DOC2B: variants seen among roughly 807,000 people sequenced by gnomAD.
DOC2B encodes double C2-like domain-containing protein beta.
In DOC2B, 21 loss-of-function variants were observed where a neutral mutation model predicts 28.9. The ratio of observed to expected loss-of-function variants is 0.73; its 90% CI spans 0.52 to 1.05. The LOEUF (loss-of-function observed/expected upper bound fraction) is 1.05, where lower values mean the gene tolerates loss of function less well. Ranked by LOEUF, DOC2B falls within the 50% of genes least tolerant of loss-of-function variation. DOC2B has a pLI of 0.00. For missense variants in DOC2B, 384 were observed against 421.1 expected (o/e 0.91, Z 0.77); for synonymous variants, 194 against 178.1 (o/e 1.09, Z -0.71).
intron 6 of DOC2B, among the ~76,000 whole-genome samples, chr17:154,798 C>T (rs943802841): frequency 7.3e-5 from 11 of 151,502 alleles, no homozygotes; most frequent in East Asian, 1.9e-4. Flanking sequence ...GGTGTGATCT[C>T]GGCTCACTGC....
rs918520033 is a variant in DOC2B at position 143,717 on chromosome 17, T to C, written c.*3724A>G. ...ATCGCAATATGACGTTTCCATTTAC[T>C]TTGGATTATATGTCATTATAAATAT... On this transcript the variant is annotated 3_prime_UTR_variant, in exon 9 of 9. Coordinates refer to ENST00000613549, the MANE Select transcript of DOC2B (RefSeq NM_003585.5). 3.9e-5 allele frequency: 6 copies of C among 152,154 alleles called. No individual in the cohort carries two copies. The highest frequency in any genetic ancestry group is 7.3e-5 in the Non-Finnish European group (5 of 68,032). The allele number at this position is 152,154 out of a possible 1,614,324, so 9.4% of individuals were successfully genotyped here. A position where few individuals can be genotyped will look rare whatever the true frequency, so the allele number is the denominator to read the frequency against.
chr17:172,703 T>C (rs1221738376), intron 1 of DOC2B, 87 bp from the exon 2 acceptor site: 2 of 1,125,936 alleles, frequency 1.8e-6, no homozygotes, highest in Non-Finnish European at 2.5e-6. Flanking sequence ...GAGCCTGGCC[T>C]GGGCAGGTGC....
chr17:149,355 G>A (rs1296995156), intron 6 of DOC2B, among the ~76,000 whole-genome samples, 163 bp from the exon 7 acceptor site: 2 of 152,086 alleles, frequency 1.3e-5, no homozygotes, highest in East Asian at 1.9e-4. Flanking sequence ...TGGCAAAGGC[G>A]AGACGTTGTT....
chr17:164,230 G>C (rs2040236866), intron 2 of DOC2B, 26 bp from the exon 3 acceptor site: 5 of 1,517,528 alleles, frequency 3.3e-6, no homozygotes, highest in Non-Finnish European at 4.5e-6. Context: ...CAAACGGTGT[G>C]AACTGGAAAT....
At chr17:156,187 C>A (rs142705609) in intron 6 of DOC2B, 33 bp downstream of exon 6, 1 of 1,522,798 alleles carries the variant, frequency 6.6e-7, no homozygotes, top group African/African-American at 1.4e-5. Flanking sequence ...GAGGTGAAGA[C>A]GTGGCAGGTG....
At position 181,451 on chromosome 17, in the gene DOC2B, G is replaced by A. The variant is rs753987588; in HGVS notation, c.29C>T (p.Ala10Val). The A allele has an allele frequency of 2.6e-6, 3 of 1,146,964 alleles. No homozygotes were observed. Among genetic ancestry groups the A allele is most frequent in the South Asian group, 2.3e-5 (1 of 42,988 alleles). 71.0% of individuals were successfully genotyped at this position (1,146,964 alleles called of 1,614,324 possible). ...CATATGCTCCTGGATGCTGATGGTC[G>A]CCTTCTCCCCGCGCCGCCGGAGGGT... is the stretch of plus-strand genomic sequence containing the variant. MTLRRRGEK[A>V]TISIQEHMAI... The change falls in exon 1 of 9, where the codon GCG becomes GTG. Residue 10 changes from alanine to valine, a missense_variant. By Grantham distance (64) the Ala-to-Val change is moderately conservative. Coordinates refer to ENST00000613549, the MANE Select transcript of DOC2B (RefSeq NM_003585.5). This position sits in a 1 kb window ranked among gnomAD's most constrained non-coding sequence, Gnocchi z 7.0.
At chr17:164,508 CT>C (rs1233580380) in intron 2 of DOC2B, among the ~76,000 whole-genome samples, 1 of 152,168 alleles carries the variant, frequency 6.6e-6, no homozygotes, top group Non-Finnish European at 1.5e-5. Flanking sequence ...CCTCTCCACC[CT>C]GCTTTGCTCA....
intron 6 of DOC2B, among the ~76,000 whole-genome samples, chr17:149,662 T>C (rs1375174757): frequency 3.3e-5 from 5 of 152,028 alleles, no homozygotes; most frequent in Admixed American, 2.0e-4. Flanking sequence ...TGTGCCGCCA[T>C]GCGCAGGTAA....
chr17:162,458 G>A (rs1555523403), intron 3 of DOC2B, among the ~76,000 whole-genome samples: 1 of 152,214 alleles, frequency 6.6e-6, no homozygotes, highest in Admixed American at 6.5e-5. Flanking sequence ...ACGTCACCAA[G>A]GAAGGGGGCC....
Position 145,154 on chromosome 17 carries a change from G to C in DOC2B, c.*2287C>G, listed in dbSNP as rs1248636407. 2 of 152,296 alleles carry C rather than the reference G, an allele frequency of 1.3e-5. No individual in the cohort carries two copies. The highest frequency in any genetic ancestry group is 3.9e-4 in the East Asian group (2 of 5,178). The allele number at this position is 152,296 out of a possible 1,614,324, so 9.4% of individuals were successfully genotyped here. A position where few individuals can be genotyped will look rare whatever the true frequency, so the allele number is the denominator to read the frequency against. On this transcript the variant is annotated 3_prime_UTR_variant, in exon 9 of 9. Coordinates refer to ENST00000613549, the MANE Select transcript of DOC2B (RefSeq NM_003585.5). Reference sequence around the variant, plus strand: ...AGGTTAGACACCTCTGGGGAAGCCTGAAGTAGCACGGATGGTTTCAAAGCC... The same window carrying C: ...AGGTTAGACACCTCTGGGGAAGCCTCAAGTAGCACGGATGGTTTCAAAGCC...
chr17:152,221 G>A (rs140577192), intron 6 of DOC2B, among the ~76,000 whole-genome samples: 7 of 152,286 alleles, frequency 4.6e-5, no homozygotes, highest in East Asian at 1.9e-4. Flanking sequence ...GGCACAGCAC[G>A]TTGCTGCCAG....
At chr17:168,673 GA>G (rs2040275884) in intron 2 of DOC2B, among the ~76,000 whole-genome samples, 6 of 136,248 alleles carry the variant, frequency 4.4e-5, no homozygotes, top group African/African-American at 1.4e-4. Context: ...CACTGTTCTT[GA>G]GGTAGTGAAT....
At chr17:163,229 C>T (rs2040224815) in intron 3 of DOC2B, among the ~76,000 whole-genome samples, 1 of 152,196 alleles carries the variant, frequency 6.6e-6, no homozygotes, top group Non-Finnish European at 1.5e-5. Context: ...GTCATACTCG[C>T]CCTCGGCCCT....
At chr17:161,272 C>T in intron 5 of DOC2B, 143 bp downstream of exon 5, 2 of 882,328 alleles carry the variant, frequency 2.3e-6, no homozygotes, top group Non-Finnish European at 3.5e-6. Flanking sequence ...CCTCCACCCC[C>T]TTGACTCTCC....
chr17:156,449 C>T, intron 5 of DOC2B, 72 bp from the exon 6 acceptor site: 1 of 1,502,438 alleles, frequency 6.7e-7, no homozygotes, highest in Non-Finnish European at 9.0e-7. Context: ...GCCTCCTCTT[C>T]CTGAGCCCGC....
At chr17:178,967 C>A (rs1445143693) in intron 1 of DOC2B, among the ~76,000 whole-genome samples, 1 of 152,218 alleles carries the variant, frequency 6.6e-6, no homozygotes, top group Non-Finnish European at 1.5e-5. Context: ...CCTGTTCCCC[C>A]ACCATGGACA....
At chr17:153,863 C>G (rs1470309021) in intron 6 of DOC2B, among the ~76,000 whole-genome samples, 3 of 152,118 alleles carry the variant, frequency 2.0e-5, no homozygotes, top group East Asian at 3.9e-4. Context: ...CGACAGCTGT[C>G]CGTGTTATAA....
At chr17:178,623 C>T (rs747558628) in intron 1 of DOC2B, among the ~76,000 whole-genome samples, 5 of 152,230 alleles carry the variant, frequency 3.3e-5, no homozygotes, top group Non-Finnish European at 7.3e-5. Flanking sequence ...TCCCTGTCAT[C>T]GCCCCTCTTC....
rs1165169639 is a variant in DOC2B at position 145,007 on chromosome 17, C to T, written c.*2434G>A. ...ACCCAGAGCTTAACTAGACACCAGG[C>T]CTTTTAGAAATAGACCACCTCTTAC... On this transcript the variant is annotated 3_prime_UTR_variant, in exon 9 of 9. Transcript: ENST00000613549. 6.6e-6 allele frequency: 1 copy of T among 152,170 alleles called. No homozygotes were observed. The highest frequency in any genetic ancestry group is 2.4e-5 in the African/African-American group (1 of 41,422). 9.4% of individuals were successfully genotyped at this position (152,170 alleles called of 1,614,324 possible).
Sources: allele counts gnomAD v4.1 joint callset (sites outside exome capture counted in the v4.1 genomes callset), GRCh38; gene constraint gnomAD v4.1.1; non-coding constraint Gnocchi (gnomAD v3.1); transcripts MANE v1.5; gene names NCBI Gene and HGNC (gene_info 2026-07-23, HGNC 2026-07-21).